DCAF10: variants seen among roughly 807,000 people sequenced by gnomAD.
The protein encoded by DCAF10 is DDB1- and CUL4-associated factor 10.
DCAF10 carries 19 observed loss-of-function variants against 51.9 expected under a neutral mutation model. The observed-to-expected ratio is 0.37, with a 90% CI of 0.26 to 0.54. DCAF10 has a LOEUF of 0.54. Among genes scored for constraint, DCAF10 ranks in the 20% least tolerant of loss-of-function variants. The pLI is 0.87. For missense variants in DCAF10, 510 were observed against 730.6 expected (o/e 0.70, Z 3.48); for synonymous variants, 291 against 297.1 (o/e 0.98, Z 0.21).
intron 3 of DCAF10, among the ~76,000 whole-genome samples, chr9:37,852,930 T>A (rs866021188): frequency 2.5e-4 from 28 of 109,818 alleles, no homozygotes; most frequent in African/African-American, 9.8e-4. Flanking sequence ...GTATGTGAGG[T>A]TATATATATA....
At chr9:37,840,446 T>A (rs186758185) in intron 2 of DCAF10, among the ~76,000 whole-genome samples, 39 of 151,816 alleles carry the variant, frequency 2.6e-4, no homozygotes, top group Non-Finnish European at 5.0e-4. Context: ...AGAACTAGGC[T>A]AATGTGTGTC....
intron 1 of DCAF10, among the ~76,000 whole-genome samples, chr9:37,805,061 G>A (rs980400672): frequency 1.3e-5 from 2 of 152,186 alleles, no homozygotes; most frequent in African/African-American, 4.8e-5. Flanking sequence ...TTTTCAAACG[G>A]AAGGTCTGAG....
intron 1 of DCAF10, among the ~76,000 whole-genome samples, chr9:37,810,617 A>T (rs1027380165): frequency 7.2e-5 from 11 of 151,974 alleles, no homozygotes; most frequent in Non-Finnish European, 1.6e-4. Flanking sequence ...GCCTGCCACC[A>T]CGCCCGGCTA....
intron 4 of DCAF10, among the ~76,000 whole-genome samples, chr9:37,855,750 C>T (rs10973586): frequency 0.033 from 5,044 of 152,162 alleles, 326 homozygotes; most frequent in East Asian, 0.32. Context: ...GGGCTCACAC[C>T]TGTAATCCCA....
intron 1 of DCAF10, 124 bp from the exon 2 acceptor site, chr9:37,819,164 G>C: frequency 1.5e-6 from 1 of 649,346 alleles, no homozygotes. Context: ...TTAAACATTT[G>C]CTACTAACAT....
chr9:37,801,040 C>T lies in DCAF10; in HGVS notation c.174C>T (p.Gly58=). Reference sequence around the variant, plus strand: ...CCGCCCGAAGCCCTCGCCGCCCCGGCGCCCCATCGCTGTCCCCGGCCCCGC... The same window carrying T: ...CCGCCCGAAGCCCTCGCCGCCCCGGTGCCCCATCGCTGTCCCCGGCCCCGC... ...PPPARSPRRP[G]APSLSPAPRS... is the part of the protein sequence containing the mutation. Residue 58 remains glycine (G), a synonymous_variant, in exon 1 of 7, where the codon GGC becomes GGT. Coordinates refer to ENST00000377724, the MANE Select transcript of DCAF10 (RefSeq NM_024345.5). The surrounding 1 kb of genome is among the most constrained non-coding windows in gnomAD (Gnocchi z 5.5). 1 of 1,537,274 alleles carries T rather than the reference C, an allele frequency of 6.5e-7. No homozygotes were observed. The highest frequency in any genetic ancestry group is 8.7e-7 in the Non-Finnish European group (1 of 1,151,324).
Position 37,817,193 on chromosome 9 carries a change from G to T in DCAF10, c.540-2095G>T, listed in dbSNP as rs187818348. Reference sequence around the variant, plus strand: ...CAATATGTATCTTTTAAAAAAATATGTATATTTTAAAAGATACATATCATA... The same window carrying T: ...CAATATGTATCTTTTAAAAAAATATTTATATTTTAAAAGATACATATCATA... On this transcript the variant is annotated intron_variant, in intron 1 of 6. Coordinates refer to ENST00000377724, the MANE Select transcript of DCAF10 (RefSeq NM_024345.5). Among the ~76,000 whole-genome samples, 7 of 152,204 alleles carry T rather than the reference G, an allele frequency of 4.6e-5. No homozygotes were observed. In the East Asian group the frequency reaches 1.3e-3, roughly 29 times the overall value.
intron 2 of DCAF10, among the ~76,000 whole-genome samples, chr9:37,828,794 T>C (rs1217117180): frequency 1.3e-5 from 2 of 152,088 alleles, no homozygotes; most frequent in Non-Finnish European, 2.9e-5. Flanking sequence ...TGGCTATATA[T>C]ATGAAAAAAT....
rs112756624 is a variant in DCAF10 at position 37,844,586 on chromosome 9, G to C, written c.851+2300G>C. ...GAATCACTTGAACCCAGGAGGTAGAGGTTGCCGTGAGCCGAGGTTGTGCCA... is the reference window on the plus strand; with the variant it reads ...GAATCACTTGAACCCAGGAGGTAGACGTTGCCGTGAGCCGAGGTTGTGCCA... On this transcript the variant is annotated intron_variant, in intron 3 of 6. Coordinates refer to ENST00000377724, the MANE Select transcript of DCAF10 (RefSeq NM_024345.5). Among the ~76,000 whole-genome samples the C allele has an allele frequency of 1.3e-4, 20 of 152,340 alleles. 2 individuals are homozygous for C. The highest frequency in any genetic ancestry group is 4.8e-4 in the African/African-American group (20 of 41,576).
chr9:37,801,113 T>C lies in DCAF10; in HGVS notation c.247T>C (p.Ser83Pro). The change falls in exon 1 of 7, where the codon TCC becomes CCC. Residue 83 changes from serine to proline, a missense_variant. Ser to Pro is a moderately conservative substitution (Grantham distance 74). This residue lies in a region of DCAF10 where 251 missense variants were observed against 227.9 expected (regional missense o/e 1.10). Transcript: ENST00000377724. The surrounding 1 kb of genome is among the most constrained non-coding windows in gnomAD (Gnocchi z 5.5). ...LPGAPESSTA[S>P]APGEPSPPSP... Reference sequence around the variant, plus strand: ...TGGAGCTCCGGAGTCCTCAACTGCCTCCGCCCCGGGAGAGCCGTCACCTCC... The same window carrying C: ...TGGAGCTCCGGAGTCCTCAACTGCCCCCGCCCCGGGAGAGCCGTCACCTCC... 6.5e-7 allele frequency: 1 copy of C among 1,534,746 alleles called. No homozygotes were observed. Among genetic ancestry groups the C allele is most frequent in the South Asian group, 1.2e-5 (1 of 82,792 alleles).
Position 37,865,115 on chromosome 9 carries a change from A to G in DCAF10, c.*3607A>G, listed in dbSNP as rs1377209675. The G allele has an allele frequency of 3.3e-5, 5 of 151,832 alleles. No individual in the cohort carries two copies. Among genetic ancestry groups the G allele is most frequent in the Admixed American group, 6.6e-5 (1 of 15,246 alleles). The allele number at this position is 151,832 out of a possible 1,614,324, so 9.4% of individuals were successfully genotyped here. The stretch of plus-strand genomic sequence containing the variant: ...ATTATAGAGCTAGCTTACCGTGTGT[A>G]TCATGTAAAAAAAATTCATAAGATT... On this transcript the variant is annotated 3_prime_UTR_variant, in exon 7 of 7. Coordinates refer to ENST00000377724, the MANE Select transcript of DCAF10 (RefSeq NM_024345.5).
chr9:37,828,525 C>T (rs1196749864), intron 2 of DCAF10, among the ~76,000 whole-genome samples: 1 of 152,172 alleles, frequency 6.6e-6, no homozygotes, highest in Non-Finnish European at 1.5e-5. Context: ...AGTTGATTCT[C>T]CCCAAATTAT....
At chr9:37,836,506 T>C in intron 2 of DCAF10, 3 of 909,280 alleles carry the variant, frequency 3.3e-6, no homozygotes, top group Non-Finnish European at 5.4e-6. Context: ...CTGCCCTAAC[T>C]GCTCTATTGA....
intron 1 of DCAF10, among the ~76,000 whole-genome samples, chr9:37,811,892 G>A (rs566953301): frequency 6.6e-5 from 10 of 152,174 alleles, no homozygotes; most frequent in Admixed American, 2.0e-4. Context: ...GCAAGAGAAA[G>A]ACAAAAAAAG....
At chr9:37,828,063 C>A (rs867075001) in intron 2 of DCAF10, among the ~76,000 whole-genome samples, 29 of 152,000 alleles carry the variant, frequency 1.9e-4, no homozygotes, top group African/African-American at 6.5e-4. Context: ...AAAAAAATTT[C>A]TTTTTGTAGA....
intron 2 of DCAF10, among the ~76,000 whole-genome samples, chr9:37,824,614 T>G (rs1829801424): frequency 1.3e-5 from 2 of 150,422 alleles, no homozygotes; most frequent in Admixed American, 1.3e-4. Context: ...AAATGAGAAG[T>G]AGAAAGAGTT....
intron 2 of DCAF10, among the ~76,000 whole-genome samples, chr9:37,827,765 G>C (rs763892830): frequency 6.6e-6 from 1 of 152,192 alleles, no homozygotes; most frequent in South Asian, 2.1e-4. Context: ...GAATTTAGTA[G>C]AAAGTGACTC....
intron 2 of DCAF10, among the ~76,000 whole-genome samples, chr9:37,830,663 T>C (rs549520590): frequency 2.6e-5 from 4 of 152,366 alleles, no homozygotes; most frequent in Non-Finnish European, 4.4e-5. Context: ...ATGTTTGTTA[T>C]ATTTTTCATA....
chr9:37,839,118 G>T (rs1358930638), intron 2 of DCAF10, among the ~76,000 whole-genome samples: 3 of 151,364 alleles, frequency 2.0e-5, no homozygotes, highest in African/African-American at 7.3e-5. Context: ...GCAGTGGCAC[G>T]ATCTCAGCTC....
Sources: gnomAD v4.1 joint callset for allele counts (sites outside exome capture counted in the v4.1 genomes callset) on GRCh38, gnomAD v4.1.1 for gene constraint, gnomAD v4.1.1 regional missense constraint, Gnocchi (gnomAD v3.1) non-coding constraint, MANE v1.5 for transcripts, NCBI Gene and HGNC (gene_info 2026-07-23, HGNC 2026-07-21) for gene names.